Variants in CNTNAP2 observed in about 807,000 individuals in gnomAD.
The protein encoded by CNTNAP2 is contactin associated protein 2.
CNTNAP2 carries 98 observed loss-of-function variants against 155.2 expected under a neutral mutation model. The observed-to-expected ratio is 0.63, with a 90% CI of 0.54 to 0.75. The LOEUF is 0.75. CNTNAP2 is among the 30% of genes least tolerant of loss of function. CNTNAP2 has a pLI of 0.00. For missense variants in CNTNAP2, 1,727 were observed against 1,688.1 expected (o/e 1.02, Z -0.40); for synonymous variants, 651 against 631.2 (o/e 1.03, Z -0.47).
chr7:146,898,395 T>A (rs547450288), intron 3 of CNTNAP2, among the ~76,000 whole-genome samples: 125 of 152,188 alleles, frequency 8.2e-4, no homozygotes, highest in African/African-American at 2.9e-3. Context: ...TTGATTAGGA[T>A]TCTCAAAATA....
chr7:147,490,413 G>T (rs1347535297), intron 11 of CNTNAP2, among the ~76,000 whole-genome samples: 3 of 152,204 alleles, frequency 2.0e-5, no homozygotes, highest in African/African-American at 7.2e-5. Context: ...TGTGTAAACT[G>T]TAAATTGTGT....
At chr7:148,196,159 A>T (rs1234247184) in intron 18 of CNTNAP2, among the ~76,000 whole-genome samples, 1 of 152,228 alleles carries the variant, frequency 6.6e-6, no homozygotes, top group Non-Finnish European at 1.5e-5. Flanking sequence ...AATTTTCCCC[A>T]GAGTTGAGCA....
intron 15 of CNTNAP2, among the ~76,000 whole-genome samples, chr7:148,098,536 A>G (rs1804021846): frequency 6.6e-6 from 1 of 150,454 alleles, no homozygotes; most frequent in South Asian, 2.1e-4. Context: ...TCAGAGGCAG[A>G]GACAAAATAT....
intron 11 of CNTNAP2, among the ~76,000 whole-genome samples, chr7:147,556,001 G>A (rs1203997054): frequency 1.3e-5 from 2 of 152,104 alleles, no homozygotes; most frequent in South Asian, 2.1e-4. Context: ...CAGCATTTTG[G>A]CAATCCTGTA....
At chr7:148,191,114 A>G (rs924431460) in intron 18 of CNTNAP2, among the ~76,000 whole-genome samples, 1 of 152,212 alleles carries the variant, frequency 6.6e-6, no homozygotes, top group Admixed American at 6.5e-5. Context: ...TGTAATCTTC[A>G]ATGCAGAAGT....
At chr7:148,389,772 G>A (rs1799305495) in intron 22 of CNTNAP2, 1 of 152,142 alleles carries the variant, frequency 6.6e-6, no homozygotes, top group South Asian at 2.1e-4. Flanking sequence ...GCTCTTGGTG[G>A]TGCTTCTCTG....
At chr7:146,582,322 A>G (rs774040960) in intron 1 of CNTNAP2, among the ~76,000 whole-genome samples, 1 of 152,154 alleles carries the variant, frequency 6.6e-6, no homozygotes, top group Non-Finnish European at 1.5e-5. Context: ...CACAAAAACA[A>G]CTGGTTGGGT....
At chr7:148,186,733 C>A (rs920796522) in intron 18 of CNTNAP2, among the ~76,000 whole-genome samples, 1 of 152,148 alleles carries the variant, frequency 6.6e-6, no homozygotes, top group Non-Finnish European at 1.5e-5. Context: ...AGGAAGAGCA[C>A]CTGGCCTAAG....
At chr7:146,531,932 A>C (rs1797776443) in intron 1 of CNTNAP2, among the ~76,000 whole-genome samples, 3 of 152,264 alleles carry the variant, frequency 2.0e-5, no homozygotes, top group Non-Finnish European at 4.4e-5. Flanking sequence ...TAGTTACTGA[A>C]GTGAAAAATA....
At chr7:147,456,624 T>A (rs1198841627) in intron 10 of CNTNAP2, among the ~76,000 whole-genome samples, 1 of 151,952 alleles carries the variant, frequency 6.6e-6, no homozygotes, top group African/African-American at 2.4e-5. Context: ...GAACCTTGCA[T>A]GGGGAAGAGG....
intron 1 of CNTNAP2, among the ~76,000 whole-genome samples, chr7:146,629,383 TTAAA>T (rs1282691926): frequency 3.3e-5 from 5 of 152,190 alleles, no homozygotes; most frequent in African/African-American, 9.6e-5. Context: ...ATACTTTTCT[TTAAA>T]TAAGGTTTAT....
chr7:146,979,576 C>G (rs533938460), intron 3 of CNTNAP2, among the ~76,000 whole-genome samples: 1 of 152,164 alleles, frequency 6.6e-6, no homozygotes, highest in Non-Finnish European at 1.5e-5. Flanking sequence ...CTGGTTTCCT[C>G]TAATTGAAAT....
At chr7:147,574,244 T>C (rs893931188) in intron 12 of CNTNAP2, among the ~76,000 whole-genome samples, 1 of 152,122 alleles carries the variant, frequency 6.6e-6, no homozygotes, top group Non-Finnish European at 1.5e-5. Context: ...CATCTTTTTT[T>C]CCCTTCTTTC....
intron 1 of CNTNAP2, among the ~76,000 whole-genome samples, chr7:146,325,148 C>T (rs1801075666): frequency 1.3e-5 from 2 of 151,972 alleles, no homozygotes; most frequent in African/African-American, 4.8e-5. Flanking sequence ...CCAGGCTGGT[C>T]TTGAACTCCT....
At chr7:147,308,669 A>G (rs1251004340) in intron 9 of CNTNAP2, among the ~76,000 whole-genome samples, 2 of 152,188 alleles carry the variant, frequency 1.3e-5, no homozygotes. Context: ...TTTGACCTAT[A>G]CATCCTAAAA....
chr7:146,938,173 A>T (rs35315391), intron 3 of CNTNAP2, among the ~76,000 whole-genome samples: 1 of 152,090 alleles, frequency 6.6e-6, no homozygotes. Context: ...AGCAAGAACA[A>T]TGAAGAAGAG....
At chr7:147,836,715 G>A (rs1417898264) in intron 13 of CNTNAP2, among the ~76,000 whole-genome samples, 2 of 152,168 alleles carry the variant, frequency 1.3e-5, no homozygotes, top group African/African-American at 2.4e-5. Context: ...CATTTCATGG[G>A]TAGCATGATG....
chr7:147,684,541 A>G (rs1254968677), intron 13 of CNTNAP2, among the ~76,000 whole-genome samples: 4 of 151,858 alleles, frequency 2.6e-5, no homozygotes, highest in Non-Finnish European at 4.4e-5. Flanking sequence ...AATATAGGAG[A>G]CCCTCTGTTA....
chr7:148,131,087 C>CTTTTTTTTTTTTTTTTTTT (rs755587892), intron 16 of CNTNAP2, among the ~76,000 whole-genome samples: 4 of 97,180 alleles, frequency 4.1e-5, no homozygotes, highest in Non-Finnish European at 8.2e-5. Flanking sequence ...TTTTCTTCTT[C>CTTTTTTTTTTTTTTTTTTT]TTTTTTTTTT....
Sources: gnomAD v4.1 joint callset for allele counts (sites outside exome capture counted in the v4.1 genomes callset) on GRCh38, gnomAD v4.1.1 for gene constraint, MANE v1.5 for transcripts, NCBI Gene and HGNC (gene_info 2026-07-23, HGNC 2026-07-21) for gene names.